AVEN: variants seen among roughly 807,000 people sequenced by gnomAD.
The protein encoded by AVEN is cell death regulator Aven.
Under a neutral mutation model 38.1 loss-of-function variants are expected in AVEN, and 41 were observed. That is an observed-to-expected ratio of 1.08 (90% CI 0.84 to 1.40). The LOEUF is 1.40. Among genes scored for constraint, AVEN ranks in the 40% most tolerant of loss-of-function variants. The pLI is 0.00. For synonymous variants in AVEN, 206 were observed against 171.8 expected (o/e 1.20, Z -1.56); for missense variants, 605 against 438.8 (o/e 1.38, Z -3.38).
At chr15:33,989,259 T>C (rs1423733912) in intron 2 of AVEN, among the ~76,000 whole-genome samples, 3 of 152,200 alleles carry the variant, frequency 2.0e-5, no homozygotes, top group Admixed American at 2.0e-4. Flanking sequence ...AGCCCCGTGT[T>C]AATGACCTAA....
chr15:34,036,897 G>C (rs1263370460), intron 1 of AVEN, among the ~76,000 whole-genome samples: 1 of 152,034 alleles, frequency 6.6e-6, no homozygotes, highest in African/African-American at 2.4e-5. Flanking sequence ...ATCACCTGAG[G>C]TCAGGAGTTC....
intron 2 of AVEN, among the ~76,000 whole-genome samples, chr15:33,909,941 C>A (rs1360836711): frequency 6.9e-6 from 1 of 144,512 alleles, no homozygotes; most frequent in Non-Finnish European, 1.5e-5. Context: ...CCAGCCTGGC[C>A]AAATACAAAA....
At chr15:34,055,028 A>T (rs577551784) in intron 5 of AVEN, among the ~76,000 whole-genome samples, 28 of 152,164 alleles carry the variant, frequency 1.8e-4, no homozygotes, top group African/African-American at 6.0e-4. Flanking sequence ...CCCCATCTCT[A>T]CTAAAAATAC....
chr15:33,857,277 C>T (rs2079784600), downstream of AVEN, among the ~76,000 whole-genome samples: 1 of 151,556 alleles, frequency 6.6e-6, no homozygotes, highest in South Asian at 2.1e-4. Flanking sequence ...CCTCAGGGGC[C>T]TCTCTGTGGC....
upstream of AVEN, among the ~76,000 whole-genome samples, chr15:34,039,645 G>A (rs998522459): frequency 2.0e-5 from 3 of 152,132 alleles, no homozygotes; most frequent in African/African-American, 7.2e-5. Context: ...TGCAGCACGT[G>A]GGAGAGAGAA....
chr15:33,939,760 G>A (rs566558313), intron 2 of AVEN, among the ~76,000 whole-genome samples: 167 of 152,250 alleles, frequency 1.1e-3, no homozygotes, highest in Non-Finnish European at 1.9e-3. Context: ...CTCATTTGTT[G>A]AAACACTACC....
intron 1 of AVEN, among the ~76,000 whole-genome samples, chr15:34,008,798 C>G (rs1897492780): frequency 6.6e-6 from 1 of 152,118 alleles, no homozygotes; most frequent in African/African-American, 2.4e-5. Context: ...GATGAAAAAC[C>G]TTTATACATC....
chr15:33,913,364 C>A (rs1005366054), intron 2 of AVEN, among the ~76,000 whole-genome samples: 3 of 152,108 alleles, frequency 2.0e-5, no homozygotes, highest in African/African-American at 7.2e-5. Flanking sequence ...AATACAAATT[C>A]TCAACATTAA....
chr15:34,036,908 G>T (rs1285652384), intron 1 of AVEN, among the ~76,000 whole-genome samples: 1 of 151,990 alleles, frequency 6.6e-6, no homozygotes, highest in South Asian at 2.1e-4. Flanking sequence ...TCAGGAGTTC[G>T]AGACCAGCCT....
Position 34,061,824 on chromosome 15 carries a change from C to A in AVEN, n.1637+1098G>T, listed in dbSNP as rs536874814. Among the ~76,000 whole-genome samples, 246 of 152,236 alleles carry A rather than the reference C, an allele frequency of 1.6e-3. 1 individual carries two copies. The highest frequency in any genetic ancestry group is 5.6e-3 in the African/African-American group (234 of 41,540). On this transcript the variant is annotated intron_variant and non_coding_transcript_variant, in intron 5 of 11. Coordinates refer to the AVEN transcript ENST00000675287. ...TGCACTTGGAGTTTGTGCATTAGGG[C>A]AAGGAGAGGTGGTATAATATGGTCT...
In AVEN at chr15:34,003,026, T is replaced by A. The variant is rs767076170; in HGVS notation, c.445+6A>T. ...TAAACAGTATGCATGCAACTGGAAT[T>A]CATACCTGCAGAGCTAAGGAGGACA... is the stretch of plus-strand genomic sequence containing the variant. On this transcript the variant is annotated splice_donor_region_variant and intron_variant, in intron 2 of 5. Coordinates refer to ENST00000306730, the MANE Select transcript of AVEN (RefSeq NM_020371.3). The A allele has an allele frequency of 6.2e-7, 1 of 1,607,438 alleles. No individual in the cohort carries two copies. The highest frequency in any genetic ancestry group is 8.5e-7 in the Non-Finnish European group (1 of 1,177,404).
chr15:34,018,120 A>G (rs1275018835), intron 1 of AVEN: 1 of 152,246 alleles, frequency 6.6e-6, no homozygotes, highest in Non-Finnish European at 1.5e-5. Context: ...TTCTTAAAAA[A>G]GCTAACTGTA....
intron 2 of AVEN, among the ~76,000 whole-genome samples, chr15:33,889,235 TTTAAA>T (rs1446518622): frequency 6.6e-6 from 1 of 152,214 alleles, no homozygotes; most frequent in Non-Finnish European, 1.5e-5. Context: ...CTACAAAGAC[TTTAAA>T]TGACATATAA....
At position 34,038,924 on chromosome 15, in the gene AVEN, TCCGCCGCC is replaced by T; in HGVS notation, c.115_122del (p.Gly39ArgfsTer50). The T allele has an allele frequency of 5.6e-6, 4 of 718,286 alleles. No individual in the cohort carries two copies. The highest frequency in any genetic ancestry group is 5.2e-6 in the Non-Finnish European group (3 of 575,296). 44.5% of individuals were successfully genotyped at this position (718,286 alleles called of 1,614,324 possible). ...GTCCGCCTCCGTCCCCGCCGCCGCCTCCGCCGCCGCCTCTGGCTACCGCCGCTGCGGCT... is the reference window on the plus strand; with the variant it reads ...GTCCGCCTCCGTCCCCGCCGCCGCCTGCCTCTGGCTACCGCCGCTGCGGCT... On this transcript the variant is annotated frameshift_variant, in exon 1 of 6. Transcript: ENST00000306730. LOFTEE classifies it high-confidence loss of function.
chr15:34,013,659 G>A (rs1048777867), intron 1 of AVEN, among the ~76,000 whole-genome samples: 4 of 152,308 alleles, frequency 2.6e-5, no homozygotes, highest in African/African-American at 9.6e-5. Flanking sequence ...ACACGGAGAA[G>A]TAAACATATA....
At chr15:34,016,797 GACCATT>G (rs1301652916) in intron 1 of AVEN, among the ~76,000 whole-genome samples, 1 of 152,108 alleles carries the variant, frequency 6.6e-6, no homozygotes, top group African/African-American at 2.4e-5. Context: ...CAGAGTTCTA[GACCATT>G]ACCTTCTAAA....
intron 2 of AVEN, among the ~76,000 whole-genome samples, chr15:33,892,219 T>C (rs1361735130): frequency 1.3e-5 from 2 of 152,248 alleles, no homozygotes; most frequent in Admixed American, 6.5e-5. Context: ...GTGCAGAAGC[T>C]CTTTGGTTTA....
Position 34,039,091 on chromosome 15 carries a change from G to A in AVEN, c.-45C>T. ...CTGAGCGCGCGGGAGCCGAGCTGCG[G>A]CGGAGACGCCCTGGCCCCACCGGAA... On this transcript the variant is annotated 5_prime_UTR_variant, in exon 1 of 6. Coordinates refer to ENST00000306730, the MANE Select transcript of AVEN (RefSeq NM_020371.3). 1 of 1,072,244 alleles carries A rather than the reference G, an allele frequency of 9.3e-7. No individual in the cohort carries two copies. Among genetic ancestry groups the A allele is most frequent in the Non-Finnish European group, 1.1e-6 (1 of 886,590 alleles). The allele number at this position is 1,072,244 out of a possible 1,614,324, so 66.4% of individuals were successfully genotyped here.
chr15:33,864,187 C>A (rs1225273407), downstream of AVEN: 18 of 1,609,724 alleles, frequency 1.1e-5, no homozygotes, highest in Admixed American at 3.4e-5. Context: ...GCACACGGGT[C>A]AGGTGAGAAA....
Sources: allele counts gnomAD v4.1 joint callset (sites outside exome capture counted in the v4.1 genomes callset), GRCh38; gene constraint gnomAD v4.1.1; transcripts MANE v1.5; gene names NCBI Gene and HGNC (gene_info 2026-07-23, HGNC 2026-07-21).